The following PRAMEF11 variants were observed in gnomAD, a reference collection of about 807,000 sequenced individuals.
PRAMEF11 encodes the protein PRAME family member 11.
In PRAMEF11, 17 loss-of-function variants were observed where a neutral mutation model predicts 33.6. The ratio of observed to expected loss-of-function variants is 0.51; its 90% CI spans 0.35 to 0.76. The LOEUF (loss-of-function observed/expected upper bound fraction) is 0.76, where lower values mean the gene tolerates loss of function less well. PRAMEF11 is among the 30% of genes least tolerant of loss of function. The probability of loss-of-function intolerance (pLI) is 0.01; values close to 1 mark genes in which losing one functional copy is unlikely to be tolerated. For missense variants in PRAMEF11, 568 were observed against 567.0 expected (o/e 1.00, Z -0.02); for synonymous variants, 205 against 227.3 (o/e 0.90, Z 0.88).
Position 12,827,790 on chromosome 1 carries a change from C to T in PRAMEF11, c.334G>A (p.Glu112Lys). Reference sequence around the variant, plus strand: ...TCAGACCAAACCATCCAGAAGTTCTCACAGACATCCTGTAAATCCAGCACT... The same window carrying T: ...TCAGACCAAACCATCCAGAAGTTCTTACAGACATCCTGTAAATCCAGCACT... Reference protein sequence around the residue: ...LQVLDLQDVCENFWMVWSEAM... With the variant: ...LQVLDLQDVCKNFWMVWSEAM... The change falls in exon 3 of 4, where the codon GAG (glutamate) becomes AAG (lysine). Residue 112 changes from glutamate to lysine, a missense_variant. Physicochemically the swap from Glu to Lys is moderately conservative, Grantham distance 56 (BLOSUM62 1). Coordinates refer to ENST00000619922, the MANE Select transcript of PRAMEF11 (RefSeq NM_001146344.3). 2.5e-6 allele frequency: 4 copies of T among 1,608,412 alleles called. 1 individual carries two copies. The highest frequency in any genetic ancestry group is 3.4e-6 in the Non-Finnish European group (4 of 1,178,110).
chr1:12,830,818 A>G (rs372945472), intron 1 of PRAMEF11, among the ~76,000 whole-genome samples: 42 of 150,474 alleles, frequency 2.8e-4, no homozygotes, highest in Admixed American at 1.1e-3. Context: ...GTGAAACCCC[A>G]CCTCTACTAA....
At position 12,828,663 on chromosome 1, in the gene PRAMEF11, T is replaced by G. The variant is rs367746167; in HGVS notation, c.127A>C (p.Met43Leu). The G allele has an allele frequency of 8.1e-4, 1,299 of 1,609,154 alleles. 93 individuals carry two copies. The East Asian group carries it at 0.023, about 28-fold the overall frequency. The change falls in exon 2 of 4, where the codon ATG (methionine) becomes CTG (leucine). Residue 43 changes from methionine (M) to leucine (L), a missense_variant. Coordinates refer to ENST00000619922, the MANE Select transcript of PRAMEF11 (RefSeq NM_001146344.3). ...LPTELFPPLFMEAFSRRRCEA... is the reference protein window; with the variant it reads ...LPTELFPPLFLEAFSRRRCEA... The stretch of plus-strand genomic sequence containing the variant: ...CAGCGTCTCCTGCTGAAGGCCTCCA[T>G]GAACAGTGGGGGGAAAAGTTCCGTG...
At position 12,828,480 on chromosome 1, in the gene PRAMEF11, C is replaced by A. The variant is rs1439851397; in HGVS notation, c.293+17G>T. ...GACACCTGGGCCCTCCCCACCAGCC[C>A]ACCTGGGCCACCTCACCTGGGACGA... On this transcript the variant is annotated intron_variant, in intron 2 of 3. Transcript: ENST00000619922. 6.3e-7 allele frequency: 1 copy of A among 1,592,582 alleles called. No homozygotes were observed. The highest frequency in any genetic ancestry group is 2.3e-5 in the East Asian group (1 of 44,132).
chr1:12,826,532 T>A (rs1468782670), intron 3 of PRAMEF11, among the ~76,000 whole-genome samples: 1 of 150,598 alleles, frequency 6.6e-6, no homozygotes, highest in Non-Finnish European at 1.5e-5. Flanking sequence ...GAGTCCAAGG[T>A]GGGTGGATCA....
chr1:12,827,451 G>A lies in PRAMEF11; in HGVS notation c.673C>T (p.Gln225Ter), dbSNP rs1639895424. The change falls in exon 3 of 4, where the codon CAG becomes TAG. Residue 225 changes from glutamine (Q) to a stop codon, truncating the protein, a stop_gained. Transcript: ENST00000619922. LOFTEE classifies it high-confidence loss of function. ...NCKWILPILT[Q>*]FTPYLGHLRN... ...AAGTGGCCCAGGTATGGGGTAAACT[G>A]TGTCAGGATGGGCAGTATCCACTTG... 6.2e-7 allele frequency: 1 copy of A among 1,610,360 alleles called. No homozygotes were observed. The highest frequency in any genetic ancestry group is 1.3e-5 in the African/African-American group (1 of 74,692).
intron 3 of PRAMEF11, among the ~76,000 whole-genome samples, chr1:12,825,835 G>T (rs542768900): frequency 6.6e-6 from 1 of 150,734 alleles, no homozygotes; most frequent in African/African-American, 2.4e-5. Context: ...TTAGCCAGGT[G>T]TGGTGGCGGG....
At position 12,825,111 on chromosome 1, in the gene PRAMEF11, C is replaced by A. The variant is rs371651574; in HGVS notation, c.1268G>T (p.Gly423Val). ...GCTCCAGCAGAGAGTACCATCAGCA[C>A]CATAACTTTCCTGCGGGGCAGGATA... ...ELYPAPQESY[G>V]ADGTLCWSRF... The change falls in exon 4 of 4, where the codon GGT (glycine) becomes GTT (valine). Residue 423 changes from glycine (G) to valine (V), a missense_variant. Gly to Val is a moderately radical substitution (Grantham distance 109, BLOSUM62 -3). Coordinates refer to ENST00000619922, the MANE Select transcript of PRAMEF11 (RefSeq NM_001146344.3). 60 of 1,609,630 alleles carry A rather than the reference C, an allele frequency of 3.7e-5. 1 individual carries two copies. In the African/African-American group the frequency reaches 5.3e-4, roughly 14 times the overall value.
At chr1:12,828,281 A>C (rs940988058) in intron 2 of PRAMEF11, among the ~76,000 whole-genome samples, 2 of 147,660 alleles carry the variant, frequency 1.4e-5, no homozygotes, top group African/African-American at 2.5e-5. Flanking sequence ...CTCACTTTTC[A>C]TGGTGCCTTT....
Position 12,828,696 on chromosome 1 carries a change from C to A in PRAMEF11, c.94G>T (p.Glu32Ter). The A allele has an allele frequency of 6.2e-7, 1 of 1,610,484 alleles. No individual in the cohort carries two copies. Among genetic ancestry groups the A allele is most frequent in the Admixed American group, 1.7e-5 (1 of 59,776 alleles). ...GGGGGGAAAAGTTCCGTGGGCAGCT[C>A]CTCCAGGGTGGAGACGGCCAAGGCT... ...DQALAVSTLEELPTELFPPLF... is the reference protein window; with the variant it reads ...DQALAVSTLE The change falls in exon 2 of 4, where the codon GAG (glutamate) becomes TAG (stop). Residue 32 changes from glutamate (E) to a stop codon, truncating the protein, a stop_gained. Coordinates refer to ENST00000619922, the MANE Select transcript of PRAMEF11 (RefSeq NM_001146344.3). LOFTEE classifies it high-confidence loss of function.
chr1:12,824,798 G>C lies in PRAMEF11; in HGVS notation c.*144C>G. 2 of 1,325,984 alleles carry C rather than the reference G, an allele frequency of 1.5e-6. No individual in the cohort carries two copies. Among genetic ancestry groups the C allele is most frequent in the South Asian group, 1.4e-5 (1 of 73,358 alleles). 82.1% of individuals were successfully genotyped at this position (1,325,984 alleles called of 1,614,324 possible). A position where few individuals can be genotyped will look rare whatever the true frequency, so the allele number is the denominator to read the frequency against. ...TTTCCCCCAAGTCCTGCCCCTGCTTGATCAGCTTTCCTTTCCCACTTTCAG... is the reference window on the plus strand; with the variant it reads ...TTTCCCCCAAGTCCTGCCCCTGCTTCATCAGCTTTCCTTTCCCACTTTCAG... On this transcript the variant is annotated 3_prime_UTR_variant, in exon 4 of 4. Coordinates refer to ENST00000619922, the MANE Select transcript of PRAMEF11 (RefSeq NM_001146344.3).
chr1:12,826,069 C>T (rs1263154000), intron 3 of PRAMEF11, among the ~76,000 whole-genome samples: 1 of 150,586 alleles, frequency 6.6e-6, no homozygotes, highest in African/African-American at 2.4e-5. Flanking sequence ...CCTAAAGCTC[C>T]CTTTCCTCAT....
At chr1:12,827,123 C>A in intron 3 of PRAMEF11, 126 bp downstream of exon 3, 6 of 1,559,492 alleles carry the variant, frequency 3.8e-6, no homozygotes, top group Non-Finnish European at 4.3e-6. Context: ...CAGGACAATG[C>A]ATGGACATTC....
At position 12,825,842 on chromosome 1, in the gene PRAMEF11, C is replaced by G. The variant is rs28475541; in HGVS notation, c.876-339G>C. On this transcript the variant is annotated intron_variant, in intron 3 of 3. Coordinates refer to ENST00000619922, the MANE Select transcript of PRAMEF11 (RefSeq NM_001146344.3). The stretch of plus-strand genomic sequence containing the variant: ...TCCAAAAATTAGCCAGGTGTGGTGG[C>G]GGGAGCCTGCAATTCCAGCTACTTG... Among the ~76,000 whole-genome samples the G allele has an allele frequency of 2.0e-3, 296 of 146,828 alleles. 9 individuals are homozygous for G. The East Asian group carries it at 0.023, about 11-fold the overall frequency.
rs577897186 is a variant in PRAMEF11 at position 12,828,261 on chromosome 1, C to T, written c.293+236G>A. Among the ~76,000 whole-genome samples, 4 of 147,480 alleles carry T rather than the reference C, an allele frequency of 2.7e-5. 1 individual carries two copies. Among genetic ancestry groups the T allele is most frequent in the African/African-American group, 1.0e-4 (4 of 39,324 alleles). ...GGATTACATTGTGAGCCACCGTGCC[C>T]GGCCCAGTTCTCACTTTTCATGGTG... On this transcript the variant is annotated intron_variant, in intron 2 of 3. Coordinates refer to ENST00000619922, the MANE Select transcript of PRAMEF11 (RefSeq NM_001146344.3).
At chr1:12,830,085 G>T (rs1361989914) in intron 1 of PRAMEF11, among the ~76,000 whole-genome samples, 1 of 151,434 alleles carries the variant, frequency 6.6e-6, no homozygotes, top group Non-Finnish European at 1.5e-5. Context: ...AGTCCTGAGT[G>T]TGAGATAGGG....
At chr1:12,828,413 T>C in intron 2 of PRAMEF11, 84 bp downstream of exon 2, 1 of 1,457,354 alleles carries the variant, frequency 6.9e-7, no homozygotes, top group Non-Finnish European at 9.3e-7. Context: ...CCATCCCCCT[T>C]GGGCCTCCTC....
At chr1:12,829,594 G>T (rs1639964004) in intron 1 of PRAMEF11, among the ~76,000 whole-genome samples, 1 of 151,284 alleles carries the variant, frequency 6.6e-6, no homozygotes, top group African/African-American at 2.4e-5. Flanking sequence ...TTTTTGTAAA[G>T]ACAGTGGATT....
At chr1:12,831,002 A>G (rs985175361) in intron 1 of PRAMEF11, among the ~76,000 whole-genome samples, 2 of 144,662 alleles carry the variant, frequency 1.4e-5, no homozygotes, top group Admixed American at 6.9e-5. Context: ...CCACCCTCAA[A>G]AAAAAAAAAA....
chr1:12,831,255 A>G (rs6604933), intron 1 of PRAMEF11, 101 bp downstream of exon 1: 4 of 151,258 alleles, frequency 2.6e-5, no homozygotes, highest in Non-Finnish European at 4.4e-5. Context: ...AAAAAAAAGG[A>G]CAGGATATAG....
Sources: allele counts gnomAD v4.1 joint callset (sites outside exome capture counted in the v4.1 genomes callset), GRCh38; gene constraint gnomAD v4.1.1; transcripts MANE v1.5; gene names NCBI Gene and HGNC (gene_info 2026-07-23, HGNC 2026-07-21).